Variants in RAB21 observed in about 807,000 individuals in gnomAD.
RAB21 encodes the protein ras-related protein Rab-21.
RAB21 carries 13 observed loss-of-function variants against 33.1 expected under a neutral mutation model. The ratio of observed to expected loss-of-function variants is 0.39; its 90% CI spans 0.26 to 0.62. RAB21 has a LOEUF of 0.62. Ranked by LOEUF, RAB21 falls within the 20% of genes least tolerant of loss-of-function variation. RAB21 has a pLI of 0.48. For synonymous variants in RAB21, 91 were observed against 103.7 expected (o/e 0.88, Z 0.74); for missense variants, 234 against 279.1 (o/e 0.84, Z 1.15).
At chr12:71,784,450 ATT>A (rs1420317586) in intron 6 of RAB21, among the ~76,000 whole-genome samples, 1 of 151,584 alleles carries the variant, frequency 6.6e-6, no homozygotes, top group Non-Finnish European at 1.5e-5. Flanking sequence ...CATGTCTTAC[ATT>A]TAAGTGTATA....
At position 71,793,858 on chromosome 12, in the gene RAB21, A is replaced by G. The variant is rs1422035935; in HGVS notation, c.*8185A>G. Reference sequence around the variant, plus strand: ...TAGGCTAATAATTTACTACTTTGGTATGTTGCCTTGAGGCTGACATTTGCT... The same window carrying G: ...TAGGCTAATAATTTACTACTTTGGTGTGTTGCCTTGAGGCTGACATTTGCT... On this transcript the variant is annotated 3_prime_UTR_variant, in exon 7 of 7. Coordinates refer to ENST00000261263, the MANE Select transcript of RAB21 (RefSeq NM_014999.4). 6.6e-6 allele frequency: 1 copy of G among 152,220 alleles called. No homozygotes were observed. Among genetic ancestry groups the G allele is most frequent in the Non-Finnish European group, 1.5e-5 (1 of 68,052 alleles). 9.4% of individuals were successfully genotyped at this position (152,220 alleles called of 1,614,324 possible). A position where few individuals can be genotyped will look rare whatever the true frequency, so the allele number is the denominator to read the frequency against.
At chr12:71,766,634 T>C (rs1201085939) in intron 1 of RAB21, among the ~76,000 whole-genome samples, 1 of 152,144 alleles carries the variant, frequency 6.6e-6, no homozygotes, top group Non-Finnish European at 1.5e-5. Context: ...CAGTATAAGC[T>C]GCAGTAAATG....
Position 71,770,751 on chromosome 12 carries a change from T to A in RAB21, c.327+52T>A, listed in dbSNP as rs1294118711. On this transcript the variant is annotated intron_variant, in intron 3 of 6. Transcript: ENST00000261263. ...AGAAGAACAATAGTAATTTTTCAAG[T>A]TTCCATTAATATACCTTTATTCACT... is the stretch of plus-strand genomic sequence containing the variant. The A allele has an allele frequency of 6.6e-6, 8 of 1,205,732 alleles. No homozygotes were observed. In the South Asian group the frequency reaches 9.4e-5, roughly 14 times the overall value. 74.7% of individuals were successfully genotyped at this position (1,205,732 alleles called of 1,614,324 possible). A position where few individuals can be genotyped will look rare whatever the true frequency, so the allele number is the denominator to read the frequency against.
At chr12:71,779,309 A>T (rs568372868) in intron 4 of RAB21, among the ~76,000 whole-genome samples, 32 of 152,186 alleles carry the variant, frequency 2.1e-4, no homozygotes, top group African/African-American at 7.5e-4. Context: ...AAAATACAAA[A>T]ATTAGCCAGA....
Position 71,755,199 on chromosome 12 carries a change from C to T in RAB21, c.70C>T (p.Leu24=), listed in dbSNP as rs1882765255. The change falls in exon 1 of 7, where the codon CTG becomes TTG. Residue 24 remains leucine, a synonymous_variant. Transcript: ENST00000261263. ...CCGAGCCTACTCGTTCAAGGTGGTG[C>T]TGCTGGGGGAAGGCTGCGTGGGGAA... The part of the protein sequence containing the change: ...AGRAYSFKVV[L]LGEGCVGKTS... 2.6e-6 allele frequency: 4 copies of T among 1,530,628 alleles called. No homozygotes were observed. The Admixed American group carries it at 6.3e-5, about 24-fold the overall frequency. 94.8% of individuals were successfully genotyped at this position (1,530,628 alleles called of 1,614,324 possible).
At chr12:71,760,342 G>T (rs1458384038) in intron 1 of RAB21, among the ~76,000 whole-genome samples, 1 of 152,122 alleles carries the variant, frequency 6.6e-6, no homozygotes, top group East Asian at 1.9e-4. Flanking sequence ...GATAGTTACG[G>T]AGTAATCCTG....
chr12:71,785,414 T>G (rs187375230), intron 6 of RAB21, 117 bp from the exon 7 acceptor site: 3 of 1,182,796 alleles, frequency 2.5e-6, no homozygotes, highest in Admixed American at 2.4e-5. Flanking sequence ...TTCATTATAT[T>G]TAGTTTCTTT....
At chr12:71,755,377 T>G in intron 1 of RAB21, 89 bp downstream of exon 1, 1 of 1,367,876 alleles carries the variant, frequency 7.3e-7, no homozygotes. Flanking sequence ...CCCCTGGATG[T>G]AGGCTGGCAA....
At chr12:71,771,196 A>G (rs539585918) in intron 3 of RAB21, among the ~76,000 whole-genome samples, 8 of 152,348 alleles carry the variant, frequency 5.3e-5, no homozygotes, top group African/African-American at 1.9e-4. Context: ...TCTTAAAGTT[A>G]TCTCATTAGT....
At chr12:71,762,282 C>T (rs1401127462) in intron 1 of RAB21, among the ~76,000 whole-genome samples, 1 of 144,988 alleles carries the variant, frequency 6.9e-6, no homozygotes, top group East Asian at 2.3e-4. Flanking sequence ...AAGCACCTAG[C>T]TTAGGTTTTG....
At chr12:71,764,636 T>G (rs1882931977) in intron 1 of RAB21, among the ~76,000 whole-genome samples, 1 of 152,174 alleles carries the variant, frequency 6.6e-6, no homozygotes, top group African/African-American at 2.4e-5. Context: ...GTACCCAAAT[T>G]CCATTATATC....
intron 1 of RAB21, among the ~76,000 whole-genome samples, chr12:71,755,692 A>G (rs1364769479): frequency 2.6e-5 from 4 of 152,202 alleles, no homozygotes; most frequent in African/African-American, 4.8e-5. Flanking sequence ...GAATTAGGTG[A>G]TTTGTAACTT....
intron 1 of RAB21, among the ~76,000 whole-genome samples, chr12:71,760,169 A>T (rs949888631): frequency 6.6e-6 from 1 of 152,210 alleles, no homozygotes; most frequent in Non-Finnish European, 1.5e-5. Context: ...AAAATTGCTT[A>T]TAGGTTAAAT....
rs540521176 is a variant in RAB21, at chr12:71,761,796, TTTTA to T, written c.159+6516_159+6519del. 7.0e-3 allele frequency among the ~76,000 whole-genome samples: 1,062 copies of T among 152,312 alleles called. 20 individuals carry two copies. The highest frequency in any genetic ancestry group is 0.024 in the African/African-American group (1,008 of 41,582). On this transcript the variant is annotated intron_variant, in intron 1 of 6. Coordinates refer to ENST00000261263, the MANE Select transcript of RAB21 (RefSeq NM_014999.4). ...TTATTTTATTTTTGAGACACTTGGC[TTTTA>T]TTTATTTTTTAAACACACCTTAACC... is the stretch of plus-strand genomic sequence containing the variant.
In RAB21 at chr12:71,755,259, T is replaced by C; in HGVS notation, c.130T>C (p.Phe44Leu). The change falls in exon 1 of 7, where the codon TTT becomes CTT. Residue 44 changes from phenylalanine to leucine, a missense_variant. Coordinates refer to ENST00000261263, the MANE Select transcript of RAB21 (RefSeq NM_014999.4). ...SLVLRYCENK[F>L]NDKHITTLQA... ...GGTGCTGCGCTACTGCGAGAACAAG[T>C]TTAACGACAAGCACATCACCACTCT... The C allele has an allele frequency of 6.5e-7, 1 of 1,543,278 alleles. No homozygotes were observed. The highest frequency in any genetic ancestry group is 8.7e-7 in the Non-Finnish European group (1 of 1,148,854).
At chr12:71,767,418 T>C (rs1472588786) in intron 1 of RAB21, among the ~76,000 whole-genome samples, 1 of 152,154 alleles carries the variant, frequency 6.6e-6, no homozygotes, top group Non-Finnish European at 1.5e-5. Context: ...TCAGCAGGGA[T>C]GTTCAAGCAT....
At chr12:71,761,120 T>C (rs1355621736) in intron 1 of RAB21, among the ~76,000 whole-genome samples, 1 of 151,950 alleles carries the variant, frequency 6.6e-6, no homozygotes, top group Non-Finnish European at 1.5e-5. Flanking sequence ...GGCTGGTGGA[T>C]CACTTGAGCC....
Position 71,793,789 on chromosome 12 carries a change from TAAAGG to T in RAB21, c.*8119_*8123del, listed in dbSNP as rs1427906979. ...TGAAGATGGTCAGAAAGGGCATTGT[TAAAGG>T]AAGGAGATGGTAGATTTTGGGTTCT... On this transcript the variant is annotated 3_prime_UTR_variant, in exon 7 of 7. Transcript: ENST00000261263. 6.6e-6 allele frequency: 1 copy of T among 152,188 alleles called. No individual in the cohort carries two copies. Among genetic ancestry groups the T allele is most frequent in the Non-Finnish European group, 1.5e-5 (1 of 68,026 alleles). 9.4% of individuals were successfully genotyped at this position (152,188 alleles called of 1,614,324 possible).
intron 6 of RAB21, 115 bp from the exon 7 acceptor site, chr12:71,785,411 TATTTA>T: frequency 8.7e-7 from 1 of 1,155,820 alleles, no homozygotes; most frequent in Non-Finnish European, 1.2e-6. Context: ...ATGTTCATTA[TATTTA>T]GTTTCTTTGT....
Sources: allele counts gnomAD v4.1 joint callset (sites outside exome capture counted in the v4.1 genomes callset), GRCh38; gene constraint gnomAD v4.1.1; transcripts MANE v1.5; gene names NCBI Gene and HGNC (gene_info 2026-07-23, HGNC 2026-07-21).